Variants in MECOM observed in about 807,000 individuals in gnomAD.
The protein encoded by MECOM is histone-lysine N-methyltransferase MECOM.
A neutral mutation model predicts 116.3 loss-of-function variants in MECOM; 13 were observed. The ratio of observed to expected loss-of-function variants is 0.11; its 90% CI spans 0.07 to 0.18. MECOM has a LOEUF of 0.18. Among genes scored for constraint, MECOM ranks in the 10% least tolerant of loss-of-function variants. The pLI, the probability that MECOM is intolerant of heterozygous loss-of-function variation, is 1.00. For synonymous variants in MECOM, 528 were observed against 535.2 expected (o/e 0.99, Z 0.19); for missense variants, 1,299 against 1,509.0 (o/e 0.86, Z 2.31).
rs368810571 is a variant in MECOM at position 169,478,519 on chromosome 3, G to A, written c.38-96995C>T. Reference sequence around the variant, plus strand: ...CAAGCACCCCCACAAGTGAGGGTACGAATACTTCCCAAGCTAAGCCAAGAT... The same window carrying A: ...CAAGCACCCCCACAAGTGAGGGTACAAATACTTCCCAAGCTAAGCCAAGAT... On this transcript the variant is annotated intron_variant, in intron 1 of 16. Transcript: ENST00000651503. 6.6e-5 allele frequency among the ~76,000 whole-genome samples: 10 copies of A among 152,240 alleles called. No individual in the cohort carries two copies. The South Asian group carries it at 1.7e-3, about 25-fold the overall frequency.
intron 1 of MECOM, among the ~76,000 whole-genome samples, chr3:169,539,703 G>A (rs766667767): frequency 1.3e-5 from 2 of 151,938 alleles, no homozygotes; most frequent in Non-Finnish European, 2.9e-5. Context: ...CTGCCCAGTA[G>A]CCAGAGTAAT....
chr3:169,094,133 A>G (rs1357820957), intron 13 of MECOM, among the ~76,000 whole-genome samples: 1 of 152,236 alleles, frequency 6.6e-6, no homozygotes, highest in African/African-American at 2.4e-5. Context: ...AGGGAGACGA[A>G]CAGTATATAC....
At chr3:169,384,545 C>T (rs754080825) in intron 1 of MECOM, among the ~76,000 whole-genome samples, 5 of 152,172 alleles carry the variant, frequency 3.3e-5, no homozygotes, top group Non-Finnish European at 7.4e-5. Context: ...TAACATTCAA[C>T]TACTGCAAAT....
intron 1 of MECOM, among the ~76,000 whole-genome samples, chr3:169,410,886 G>A (rs1323773949): frequency 6.6e-6 from 1 of 151,944 alleles, no homozygotes; most frequent in Non-Finnish European, 1.5e-5. Flanking sequence ...GTTGTCCAAC[G>A]GTTAGCAAAA....
intron 1 of MECOM, among the ~76,000 whole-genome samples, chr3:169,643,597 A>T (rs572529466): frequency 6.6e-6 from 1 of 152,204 alleles, no homozygotes; most frequent in Non-Finnish European, 1.5e-5. Context: ...TTCATAAGAG[A>T]GAATTAGGTC....
intron 2 of MECOM, among the ~76,000 whole-genome samples, chr3:169,251,768 T>A (rs546629538): frequency 6.6e-6 from 1 of 152,260 alleles, no homozygotes; most frequent in East Asian, 1.9e-4. Context: ...CACTACTGCT[T>A]GCAAAGTGAA....
chr3:169,617,369 A>G (rs945591348), intron 1 of MECOM, among the ~76,000 whole-genome samples: 1 of 152,224 alleles, frequency 6.6e-6, no homozygotes, highest in African/African-American at 2.4e-5. Context: ...GTTTACATAA[A>G]TCACCTGCGA....
At chr3:169,429,980 C>A (rs1385680056) in intron 1 of MECOM, among the ~76,000 whole-genome samples, 1 of 152,112 alleles carries the variant, frequency 6.6e-6, no homozygotes, top group African/African-American at 2.4e-5. Flanking sequence ...TGCAGAAGGG[C>A]ACTTAACTCT....
chr3:169,322,155 A>G (rs1038186012), intron 2 of MECOM, among the ~76,000 whole-genome samples: 5 of 152,248 alleles, frequency 3.3e-5, no homozygotes, highest in African/African-American at 9.6e-5. Flanking sequence ...TGGATTTAGC[A>G]TGAAAATTAA....
intron 1 of MECOM, among the ~76,000 whole-genome samples, chr3:169,544,077 G>A (rs11708161): frequency 0.21 from 31,538 of 152,030 alleles, 4,378 homozygotes; most frequent in East Asian, 0.68. Context: ...TAGGAGAGAC[G>A]GGGTTTCACC....
chr3:169,619,373 G>C (rs1770426413), intron 1 of MECOM, among the ~76,000 whole-genome samples: 1 of 152,154 alleles, frequency 6.6e-6, no homozygotes, highest in African/African-American at 2.4e-5. Flanking sequence ...GGGCTGGAGA[G>C]GTGTCACCAC....
chr3:169,327,491 A>T (rs1298662893), intron 2 of MECOM, among the ~76,000 whole-genome samples: 2 of 152,092 alleles, frequency 1.3e-5, no homozygotes, highest in Non-Finnish European at 2.9e-5. Flanking sequence ...TACAAAAATT[A>T]GCCGGGTATG....
chr3:169,390,107 G>A (rs1577956160), intron 1 of MECOM, among the ~76,000 whole-genome samples: 1 of 152,134 alleles, frequency 6.6e-6, no homozygotes, highest in Non-Finnish European at 1.5e-5. Context: ...GAGAGGCAGA[G>A]GCTGAGAGTC....
At chr3:169,369,910 C>T (rs1468713066) in intron 2 of MECOM, among the ~76,000 whole-genome samples, 1 of 151,920 alleles carries the variant, frequency 6.6e-6, no homozygotes, top group Admixed American at 6.6e-5. Context: ...TCTTTCTTAA[C>T]TACACATCAA....
At chr3:169,326,629 G>T (rs1721867032) in intron 2 of MECOM, among the ~76,000 whole-genome samples, 1 of 152,118 alleles carries the variant, frequency 6.6e-6, no homozygotes, top group East Asian at 1.9e-4. Flanking sequence ...ATTAAAATCA[G>T]GCTTCAATAA....
At chr3:169,255,255 A>G (rs1756725974) in intron 2 of MECOM, among the ~76,000 whole-genome samples, 1 of 152,130 alleles carries the variant, frequency 6.6e-6, no homozygotes, top group Admixed American at 6.6e-5. Flanking sequence ...TAATATACCA[A>G]TTTTGTGAGC....
intron 2 of MECOM, among the ~76,000 whole-genome samples, chr3:169,185,754 T>C (rs1278046854): frequency 2.0e-5 from 3 of 152,214 alleles, no homozygotes; most frequent in African/African-American, 7.2e-5. Context: ...AAGAGTATTT[T>C]CTTGCACACC....
At chr3:169,486,029 A>AC (rs1752325351) in intron 1 of MECOM, among the ~76,000 whole-genome samples, 8 of 115,764 alleles carry the variant, frequency 6.9e-5, no homozygotes, top group Non-Finnish European at 1.0e-4. Flanking sequence ...TATATATAGT[A>AC]TATATATATA....
intron 1 of MECOM, among the ~76,000 whole-genome samples, chr3:169,489,372 C>T (rs932866871): frequency 6.6e-6 from 1 of 152,042 alleles, no homozygotes; most frequent in African/African-American, 2.4e-5. Context: ...AAAAATAGAA[C>T]AGGTTTTGTA....
Sources: gnomAD v4.1 joint callset for allele counts (sites outside exome capture counted in the v4.1 genomes callset) on GRCh38, gnomAD v4.1.1 for gene constraint, MANE v1.5 for transcripts, NCBI Gene and HGNC (gene_info 2026-07-23, HGNC 2026-07-21) for gene names.